Variants in ELMOD3 observed in about 807,000 individuals in gnomAD.
ELMOD3 encodes the protein ELMO domain-containing protein 3.
In ELMOD3, 36 loss-of-function variants were observed where a neutral mutation model predicts 47.4. That is an observed-to-expected ratio of 0.76 (90% CI 0.58 to 1.00). The LOEUF is 1.00. Among genes scored for constraint, ELMOD3 ranks in the 50% least tolerant of loss-of-function variants. The probability of loss-of-function intolerance (pLI) is 0.00; values close to 1 mark genes in which losing one functional copy is unlikely to be tolerated. For synonymous variants in ELMOD3, 149 were observed against 183.5 expected (o/e 0.81, Z 1.52); for missense variants, 404 against 463.8 (o/e 0.87, Z 1.18).
In ELMOD3 at chr2:85,390,134, G is replaced by T; in HGVS notation, c.816-4G>T. ...GAGCAGGTCACCTTGCCTTTTTCCT[G>T]CAGAGAGTGTAATCGGCAGCAGAAG... On this transcript the variant is annotated splice_polypyrimidine_tract_variant and splice_region_variant and intron_variant, in intron 12 of 13. Coordinates refer to ENST00000409013, the MANE Select transcript of ELMOD3 (RefSeq NM_001135022.2). 1 of 1,613,662 alleles carries T rather than the reference G, an allele frequency of 6.2e-7. No individual in the cohort carries two copies. The highest frequency in any genetic ancestry group is 8.5e-7 in the Non-Finnish European group (1 of 1,179,586).
At chr2:85,382,597 C>A (rs543444586) in intron 11 of ELMOD3, among the ~76,000 whole-genome samples, 15 of 151,118 alleles carry the variant, frequency 9.9e-5, no homozygotes, top group Admixed American at 3.3e-4. Flanking sequence ...CTCACTGCAA[C>A]CTCCACCTCT....
In ELMOD3 at chr2:85,390,808, T is replaced by C. The variant is rs1686297708; in HGVS notation, c.992T>C (p.Leu331Pro). 6.4e-7 allele frequency: 1 copy of C among 1,551,620 alleles called. No homozygotes were observed. The change falls in exon 14 of 14, where the codon CTG becomes CCG. Residue 331 changes from leucine to proline, a missense_variant. Transcript: ENST00000409013. ...AGCCCACGGCGGCTGCTCAAGACCC[T>C]GGAGCTGTACTTGGCCAGGGTGTCA... ...KKSPRRLLKT[L>P]ELYLARVSKG...
rs774145244 is a variant in ELMOD3 at position 85,377,367 on chromosome 2, A to T, written c.631A>T (p.Arg211Ter). 1 of 1,607,288 alleles carries T rather than the reference A, an allele frequency of 6.2e-7. No homozygotes were observed. Among genetic ancestry groups the T allele is most frequent in the Admixed American group, 1.7e-5 (1 of 59,176 alleles). The change falls in exon 11 of 14, where the codon AGA becomes TGA. Residue 211 changes from arginine (R) to a stop codon, truncating the protein, a stop_gained. Coordinates refer to ENST00000409013, the MANE Select transcript of ELMOD3 (RefSeq NM_001135022.2). LOFTEE classifies it high-confidence loss of function. Reference sequence around the variant, plus strand: ...AGGAGCGAATCCAGCCACAGACCTGAGAGGCGCAGGCTTCCTTGCCCTCCT... The same window carrying T: ...AGGAGCGAATCCAGCCACAGACCTGTGAGGCGCAGGCTTCCTTGCCCTCCT... ...FQGANPATDL[R>*]GAGFLALLHL...
chr2:85,358,730 G>T (rs1683734197), intron 4 of ELMOD3, among the ~76,000 whole-genome samples: 2 of 152,258 alleles, frequency 1.3e-5, no homozygotes, highest in South Asian at 4.1e-4. Flanking sequence ...GGATGATCTG[G>T]GATTCCAGGG....
At chr2:85,367,962 G>T (rs1684513649) in intron 6 of ELMOD3, among the ~76,000 whole-genome samples, 1 of 151,832 alleles carries the variant, frequency 6.6e-6, no homozygotes, top group African/African-American at 2.4e-5. Context: ...GCCCAGGCTG[G>T]AGTGCAGTGA....
chr2:85,364,155 G>A (rs868037645), intron 6 of ELMOD3, among the ~76,000 whole-genome samples: 1 of 101,088 alleles, frequency 9.9e-6, no homozygotes, highest in Non-Finnish European at 2.2e-5. Context: ...TTTTTTTTTT[G>A]TTAGGGACAG....
chr2:85,372,332 T>G (rs1684855207), intron 10 of ELMOD3: 1 of 152,004 alleles, frequency 6.6e-6, no homozygotes, highest in Non-Finnish European at 1.5e-5. Context: ...AAAGGGAGAC[T>G]GTCTCAGAAA....
At chr2:85,368,905 T>A in intron 7 of ELMOD3, 151 bp downstream of exon 7, 1 of 782,748 alleles carries the variant, frequency 1.3e-6, no homozygotes, top group Non-Finnish European at 2.1e-6. Context: ...TTACAGTACC[T>A]TTTTCAAATC....
intron 11 of ELMOD3, chr2:85,387,313 C>T: frequency 1.2e-6 from 1 of 835,980 alleles, no homozygotes; most frequent in Non-Finnish European, 1.5e-6. Context: ...TTAAGTAATG[C>T]TCACAGCAAC....
chr2:85,372,300 A>G (rs1684853381), intron 10 of ELMOD3: 1 of 152,188 alleles, frequency 6.6e-6, no homozygotes, highest in Non-Finnish European at 1.5e-5. Context: ...AGATCGCACT[A>G]CTGCACTCCA....
intron 11 of ELMOD3, among the ~76,000 whole-genome samples, chr2:85,380,485 G>T (rs11691956): frequency 0.076 from 11,545 of 152,192 alleles, 577 homozygotes; most frequent in African/African-American, 0.13. Flanking sequence ...TCAGAAACCT[G>T]CATTCAAGAG....
At chr2:85,369,707 T>C in intron 7 of ELMOD3, 32 bp from the exon 8 acceptor site, 1 of 1,609,714 alleles carries the variant, frequency 6.2e-7, no homozygotes, top group East Asian at 2.2e-5. Flanking sequence ...ATGACTCCTA[T>C]AAATCCTGGC....
intron 11 of ELMOD3, 105 bp downstream of exon 11, chr2:85,377,579 T>G: frequency 8.1e-7 from 1 of 1,228,468 alleles, no homozygotes; most frequent in Non-Finnish European, 1.1e-6. Context: ...GGAATGGGCT[T>G]CCCCGTCAGT....
At chr2:85,368,835 TG>T in intron 7 of ELMOD3, 81 bp downstream of exon 7, 1 of 1,433,948 alleles carries the variant, frequency 7.0e-7, no homozygotes, top group Non-Finnish European at 9.8e-7. Flanking sequence ...AATGTTTCTG[TG>T]AGTCTGGGAC....
Position 85,362,395 on chromosome 2 carries a change from G to A in ELMOD3, c.129+135G>A. ...AGCTTCCAAGAGCTCACACTTGAGG[G>A]GAGTGAGGGGAGGGTGTATGGAACA... On this transcript the variant is annotated intron_variant, in intron 5 of 13. Coordinates refer to ENST00000409013, the MANE Select transcript of ELMOD3 (RefSeq NM_001135022.2). 2.0e-5 allele frequency: 13 copies of A among 651,940 alleles called. No individual in the cohort carries two copies. In the South Asian group the frequency reaches 2.4e-4, roughly 12 times the overall value. The allele number at this position is 651,940 out of a possible 1,614,324, so 40.4% of individuals were successfully genotyped here. A position where few individuals can be genotyped will look rare whatever the true frequency, so the allele number is the denominator to read the frequency against.
chr2:85,355,698 C>T (rs1374294771), intron 3 of ELMOD3, 100 bp downstream of exon 3: 2 of 152,220 alleles, frequency 1.3e-5, no homozygotes, highest in Non-Finnish European at 2.9e-5. Flanking sequence ...CGCCTGTCAC[C>T]TTGCCAAGGC....
intron 8 of ELMOD3, 121 bp from the exon 9 acceptor site, chr2:85,370,965 G>C (rs578222638): frequency 8.3e-7 from 1 of 1,212,026 alleles, no homozygotes; most frequent in African/African-American, 1.5e-5. Flanking sequence ...TGGCCCAAAG[G>C]CCAGCCAGAT....
Position 85,390,868 on chromosome 2 carries a change from G to A in ELMOD3, c.1052G>A (p.Cys351Tyr). 1 of 1,551,712 alleles carries A rather than the reference G, an allele frequency of 6.4e-7. No homozygotes were observed. Among genetic ancestry groups the A allele is most frequent in the South Asian group, 1.2e-5 (1 of 84,062 alleles). The change falls in exon 14 of 14, where the codon TGC becomes TAC. Residue 351 changes from cysteine to tyrosine, a missense_variant. Physicochemically the swap from Cys to Tyr is radical, Grantham distance 194. Coordinates refer to ENST00000409013, the MANE Select transcript of ELMOD3 (RefSeq NM_001135022.2). ...GCCTCCTTGTTGGGAGCACAGAAGT[G>A]CTATGGGCCAGAAGCCCCTCCCTTC... The part of the protein sequence containing the change: ...GQASLLGAQK[C>Y]YGPEAPPFKD...
chr2:85,355,836 G>A (rs1354965899), intron 3 of ELMOD3: 1 of 152,286 alleles, frequency 6.6e-6, no homozygotes, highest in Non-Finnish European at 1.5e-5. Context: ...CCAGGACTAA[G>A]GGGGCATTGC....
Sources: allele counts gnomAD v4.1 joint callset (sites outside exome capture counted in the v4.1 genomes callset), GRCh38; gene constraint gnomAD v4.1.1; transcripts MANE v1.5; gene names NCBI Gene and HGNC (gene_info 2026-07-23, HGNC 2026-07-21).